Variants in ACOT4 observed in about 807,000 individuals in gnomAD.
The protein encoded by ACOT4 is peroxisomal succinyl-coenzyme A thioesterase.
ACOT4 carries 18 observed loss-of-function variants against 17.1 expected under a neutral mutation model. The observed-to-expected ratio is 1.05, with a 90% CI of 0.73 to 1.56. The LOEUF (loss-of-function observed/expected upper bound fraction) is 1.56. Among genes scored for constraint, ACOT4 ranks in the 40% most tolerant of loss-of-function variants. The pLI is 0.00. For missense variants in ACOT4, 574 were observed against 557.2 expected (o/e 1.03, Z -0.30); for synonymous variants, 234 against 236.6 (o/e 0.99, Z 0.10).
chr14:73,593,600 C>T, intron 1 of ACOT4, 102 bp from the exon 2 acceptor site: 1 of 1,162,376 alleles, frequency 8.6e-7, no homozygotes, highest in Non-Finnish European at 1.2e-6. Flanking sequence ...GCCTTGGCCT[C>T]CTAAAGTGCT....
Position 73,591,935 on chromosome 14 carries a change from T to C in ACOT4, c.-25T>C, listed in dbSNP as rs1890153576. ...TTGGACGGGTCTCGGGCCTCGACCT[T>C]TGAATTCCCCGCTCCGGCTCCAAGA... On this transcript the variant is annotated 5_prime_UTR_variant, in exon 1 of 3. Coordinates refer to ENST00000326303, the MANE Select transcript of ACOT4 (RefSeq NM_152331.4). The C allele has an allele frequency of 7.4e-7, 1 of 1,359,738 alleles. No individual in the cohort carries two copies. Among genetic ancestry groups the C allele is most frequent in the South Asian group, 1.9e-5 (1 of 52,540 alleles). 84.2% of individuals were successfully genotyped at this position (1,359,738 alleles called of 1,614,324 possible).
rs781531660 is a variant in ACOT4 at position 73,592,149 on chromosome 14, C to G, written c.190C>G (p.Arg64Gly). The change falls in exon 1 of 3, where the codon CGC becomes GGC. Residue 64 changes from arginine (R) to glycine (G), a missense_variant. Coordinates refer to ENST00000326303, the MANE Select transcript of ACOT4 (RefSeq NM_152331.4). ...ADARGELDLERAPALGGSFAG... is the reference protein window; with the variant it reads ...ADARGELDLEGAPALGGSFAG... ...CGCCCGCGGCGAGCTGGACCTGGAG[C>G]GCGCACCCGCGCTGGGCGGCAGCTT... 6 of 1,593,414 alleles carry G rather than the reference C, an allele frequency of 3.8e-6. No individual in the cohort carries two copies. The highest frequency in any genetic ancestry group is 5.1e-6 in the Non-Finnish European group (6 of 1,171,262).
rs1890170589 is a variant in ACOT4, at chr14:73,592,424, A to C, written c.457+8A>C. 1.3e-6 allele frequency: 2 copies of C among 1,505,584 alleles called. No individual in the cohort carries two copies. The highest frequency in any genetic ancestry group is 1.8e-6 in the Non-Finnish European group (2 of 1,134,354). 93.3% of individuals were successfully genotyped at this position (1,505,584 alleles called of 1,614,324 possible). A position where few individuals can be genotyped will look rare whatever the true frequency, so the allele number is the denominator to read the frequency against. On this transcript the variant is annotated splice_region_variant and intron_variant, in intron 1 of 2. Coordinates refer to ENST00000326303, the MANE Select transcript of ACOT4 (RefSeq NM_152331.4). ...CGCTCTTCCTGCCGCCAGGTGAGCCAGGCTGCTGGCGGGTGGTGTGAGCGT... is the reference window on the plus strand; with the variant it reads ...CGCTCTTCCTGCCGCCAGGTGAGCCCGGCTGCTGGCGGGTGGTGTGAGCGT...
Position 73,592,302 on chromosome 14 carries a change from G to A in ACOT4, c.343G>A (p.Glu115Lys), listed in dbSNP as rs762048021. Residue 115 changes from glutamate (E) to lysine (K), a missense_variant, in exon 1 of 3, where the codon GAG (glutamate) becomes AAG (lysine). Glu to Lys is a moderately conservative substitution (Grantham distance 56). Transcript: ENST00000326303. The part of the protein sequence containing the change: ...ELEVLDGHDP[E>K]PGRLLCQAQH... The stretch of plus-strand genomic sequence containing the variant: ...GGAGGTGCTGGACGGCCACGACCCC[G>A]AGCCTGGACGGCTGCTGTGCCAGGC... 3 of 1,611,554 alleles carry A rather than the reference G, an allele frequency of 1.9e-6. No homozygotes were observed. Among genetic ancestry groups the A allele is most frequent in the East Asian group, 4.5e-5 (2 of 44,764 alleles).
chr14:73,592,024 C>T lies in ACOT4; in HGVS notation c.65C>T (p.Ala22Val), dbSNP rs1243018175. The T allele has an allele frequency of 6.2e-6, 9 of 1,444,244 alleles. No homozygotes were observed. The highest frequency in any genetic ancestry group is 1.4e-5 in the South Asian group (1 of 69,994). 89.5% of individuals were successfully genotyped at this position (1,444,244 alleles called of 1,614,324 possible). Reference sequence around the variant, plus strand: ...TGCTGGAACGAGCCGGTGCGCATTGCCGTGCGCGGCCTGGCCCCGGAGCAG... The same window carrying T: ...TGCTGGAACGAGCCGGTGCGCATTGTCGTGCGCGGCCTGGCCCCGGAGCAG... ...RCCWNEPVRI[A>V]VRGLAPEQRV... is the part of the protein sequence containing the mutation. Residue 22 changes from alanine to valine, a missense_variant, in exon 1 of 3, where the codon GCC becomes GTC. Physicochemically the swap from Ala to Val is moderately conservative, Grantham distance 64. Transcript: ENST00000326303.
intron 2 of ACOT4, among the ~76,000 whole-genome samples, chr14:73,594,105 A>G (rs1283150160): frequency 6.6e-6 from 1 of 152,114 alleles, no homozygotes; most frequent in Non-Finnish European, 1.5e-5. Flanking sequence ...TCCACATGAG[A>G]TTTTATTTAG....
chr14:73,592,532 A>T, intron 1 of ACOT4, 116 bp downstream of exon 1: 1 of 1,257,252 alleles, frequency 8.0e-7, no homozygotes, highest in East Asian at 2.7e-5. Flanking sequence ...GCTAACATTG[A>T]CTATGTCAGT....
chr14:73,595,024 A>T (rs1228260378), intron 2 of ACOT4, 25 bp from the exon 3 acceptor site: 1 of 1,609,952 alleles, frequency 6.2e-7, no homozygotes, highest in South Asian at 1.1e-5. Context: ...TATTGACTCA[A>T]CTCTCCTCTC....
intron 1 of ACOT4, among the ~76,000 whole-genome samples, chr14:73,592,801 C>T (rs1277483965): frequency 6.6e-6 from 1 of 151,950 alleles, no homozygotes; most frequent in Non-Finnish European, 1.5e-5. Context: ...TGCAGTGAGC[C>T]GAGATCGCAC....
Position 73,592,202 on chromosome 14 carries a change from C to G in ACOT4, c.243C>G (p.Leu81=), listed in dbSNP as rs371072553. Residue 81 remains leucine, a synonymous_variant, in exon 1 of 3, where the codon CTC becomes CTG. Transcript: ENST00000326303. ...CGGGACTCGAGCCCATGGGGCTGCT[C>G]TGGGCCCTGGAACCCGAGAAGCCTT... is the stretch of plus-strand genomic sequence containing the variant. ...SFAGLEPMGL[L]WALEPEKPFW... 8.7e-6 allele frequency: 14 copies of G among 1,612,166 alleles called. No individual in the cohort carries two copies. The highest frequency in any genetic ancestry group is 8.0e-5 in the African/African-American group (6 of 74,850).
chr14:73,595,481 CCTTA>C lies in ACOT4; in HGVS notation c.1097_1100del (p.Tyr366SerfsTer12). ...TGGGACTGGGCATTACATCGAGCCTCCTTACTTCCCCCTGTGCCCAGCTTCCCTT... is the reference window on the plus strand; with the variant it reads ...TGGGACTGGGCATTACATCGAGCCTCCTTCCCCCTGTGCCCAGCTTCCCTT... On this transcript the variant is annotated frameshift_variant, in exon 3 of 3. Coordinates refer to ENST00000326303, the MANE Select transcript of ACOT4 (RefSeq NM_152331.4). LOFTEE classifies it low-confidence loss of function (END_TRUNC). 2.5e-6 allele frequency: 4 copies of C among 1,614,096 alleles called. 1 individual carries two copies. The highest frequency in any genetic ancestry group is 3.4e-6 in the Non-Finnish European group (4 of 1,179,934).
rs1263273860 is a variant in ACOT4 at position 73,595,278 on chromosome 14, A to G, written c.890A>G (p.Asn297Ser). The G allele has an allele frequency of 2.5e-6, 4 of 1,614,218 alleles. No homozygotes were observed. The highest frequency in any genetic ancestry group is 3.4e-6 in the Non-Finnish European group (4 of 1,180,052). ...SGLVDIVDIR[N>S]ALVGGYKNPS... Reference sequence around the variant, plus strand: ...CTCGTGGACATTGTGGATATAAGGAATGCTCTCGTAGGAGGGTACAAGAAC... The same window carrying G: ...CTCGTGGACATTGTGGATATAAGGAGTGCTCTCGTAGGAGGGTACAAGAAC... The change falls in exon 3 of 3, where the codon AAT (asparagine) becomes AGT (serine). Residue 297 changes from asparagine to serine, a missense_variant. Physicochemically the swap from Asn to Ser is conservative, Grantham distance 46 (BLOSUM62 1). Coordinates refer to ENST00000326303, the MANE Select transcript of ACOT4 (RefSeq NM_152331.4).
rs1566865859 is a variant in ACOT4, at chr14:73,593,796, C to T, written c.552C>T (p.Ala184=). The T allele has an allele frequency of 6.2e-7, 1 of 1,614,046 alleles. No homozygotes were observed. The highest frequency in any genetic ancestry group is 2.2e-5 in the East Asian group (1 of 44,882). The change falls in exon 2 of 3, where the codon GCC becomes GCT. Residue 184 remains alanine (A), a synonymous_variant. Transcript: ENST00000326303. ...RASLLAGHGF[A]TLALAYYNFE... is the part of the protein sequence containing the mutation. ...GCCTCCTTGCTGGCCATGGCTTTGCCACGTTGGCTCTAGCTTATTATAACT... is the reference window on the plus strand; with the variant it reads ...GCCTCCTTGCTGGCCATGGCTTTGCTACGTTGGCTCTAGCTTATTATAACT...
At chr14:73,592,718 T>C (rs1389560623) in intron 1 of ACOT4, among the ~76,000 whole-genome samples, 1 of 152,076 alleles carries the variant, frequency 6.6e-6, no homozygotes, top group Non-Finnish European at 1.5e-5. Context: ...TCCAGCCTGG[T>C]GGCACACGCC....
intron 2 of ACOT4, 46 bp downstream of exon 2, chr14:73,593,950 CCA>C: frequency 2.0e-6 from 3 of 1,526,936 alleles, no homozygotes; most frequent in Non-Finnish European, 2.7e-6. Context: ...AGAAATATTT[CCA>C]TAGAGAGTGT....
chr14:73,593,648 A>G (rs751850895), intron 1 of ACOT4, 54 bp from the exon 2 acceptor site: 1 of 1,509,636 alleles, frequency 6.6e-7, no homozygotes, highest in Non-Finnish European at 9.0e-7. Context: ...CAGCCAGGAA[A>G]GCAAATTCTT....
rs80196271 is a variant in ACOT4 at position 73,593,809 on chromosome 14, G to C, written c.565G>C (p.Ala189Pro). Reference sequence around the variant, plus strand: ...CCATGGCTTTGCCACGTTGGCTCTAGCTTATTATAACTTTGAAGATCTCCC... The same window carrying C: ...CCATGGCTTTGCCACGTTGGCTCTACCTTATTATAACTTTGAAGATCTCCC... ...AGHGFATLAL[A>P]YYNFEDLPNN... is the part of the protein sequence containing the mutation. Residue 189 changes from alanine (A) to proline (P), a missense_variant, in exon 2 of 3, where the codon GCT (alanine) becomes CCT (proline). Physicochemically the swap from Ala to Pro is conservative, Grantham distance 27. Transcript: ENST00000326303. 1.9e-6 allele frequency: 3 copies of C among 1,613,292 alleles called. No homozygotes were observed. In the East Asian group the frequency reaches 6.7e-5, roughly 36 times the overall value.
At position 73,595,712 on chromosome 14, in the gene ACOT4, C is replaced by T. The variant is rs1183715459; in HGVS notation, c.*58C>T. The T allele has an allele frequency of 4.0e-6, 6 of 1,486,248 alleles. No individual in the cohort carries two copies. In the African/African-American group the frequency reaches 7.0e-5, roughly 17 times the overall value. The allele number at this position is 1,486,248 out of a possible 1,614,324, so 92.1% of individuals were successfully genotyped here. A position where few individuals can be genotyped will look rare whatever the true frequency, so the allele number is the denominator to read the frequency against. The stretch of plus-strand genomic sequence containing the variant: ...AGATCAGATTCTAGTGTTCAGTAAC[C>T]CTATGTGAATCAGATGTCTCCTGGA... On this transcript the variant is annotated 3_prime_UTR_variant, in exon 3 of 3. Transcript: ENST00000326303.
At chr14:73,593,336 C>CTTTTTTT (rs60704237) in intron 1 of ACOT4, among the ~76,000 whole-genome samples, 12 of 104,862 alleles carry the variant, frequency 1.1e-4, no homozygotes, top group South Asian at 3.2e-4. Flanking sequence ...TTCTTTCTTT[C>CTTTTTTT]TTTTTTTTTT....
Sources: allele counts gnomAD v4.1 joint callset (sites outside exome capture counted in the v4.1 genomes callset), GRCh38; gene constraint gnomAD v4.1.1; transcripts MANE v1.5; gene names NCBI Gene and HGNC (gene_info 2026-07-23, HGNC 2026-07-21).